PCDHGA9: variants seen among roughly 807,000 people sequenced by gnomAD.
The protein encoded by PCDHGA9 is protocadherin gamma-A9.
PCDHGA9 carries 37 observed loss-of-function variants against 62.5 expected under a neutral mutation model. The ratio of observed to expected loss-of-function variants is 0.59; its 90% CI spans 0.46 to 0.78. The LOEUF (loss-of-function observed/expected upper bound fraction) is 0.78, where lower values mean the gene tolerates loss of function less well. PCDHGA9 is among the 30% of genes least tolerant of loss of function. PCDHGA9 has a pLI of 0.00. For synonymous variants in PCDHGA9, 459 were observed against 484.6 expected (o/e 0.95, Z 0.69); for missense variants, 1,138 against 1,166.2 (o/e 0.98, Z 0.35).
chr5:141,438,625 TATATATATATACACAC>T (rs1232816129), intron 1 of PCDHGA9, among the ~76,000 whole-genome samples: 1,472 of 46,190 alleles, frequency 0.032, 16 homozygotes, highest in African/African-American at 0.13. Context: ...TATATATATA[TATATATATATACACAC>T]ACACACACAC....
Position 141,431,674 on chromosome 5 carries a change from G to T in PCDHGA9, c.2424+26298G>T. 6.2e-7 allele frequency: 1 copy of T among 1,614,234 alleles called. No homozygotes were observed. ...ATTCAGGGACAATATCAACAATAGG[G>T]GAGTTGGACCACGAGGAGTCAGGAT... is the stretch of plus-strand genomic sequence containing the variant. On this transcript the variant is annotated intron_variant, in intron 1 of 3. Transcript: ENST00000573521. This position sits in a 1 kb window ranked among gnomAD's most constrained non-coding sequence, Gnocchi z 4.8.
intron 1 of PCDHGA9, among the ~76,000 whole-genome samples, chr5:141,457,190 G>A (rs2098913282): frequency 6.6e-6 from 1 of 152,200 alleles, no homozygotes; most frequent in African/African-American, 2.4e-5. Context: ...GTAGAGTGAG[G>A]AAAGCAGTTC....
intron 1 of PCDHGA9, chr5:141,433,063 G>T (rs1411651811): frequency 3.1e-6 from 5 of 1,614,176 alleles, no homozygotes; most frequent in Non-Finnish European, 4.2e-6. Flanking sequence ...AGAGTCACCT[G>T]ATCTTCCCCC....
rs191354649 is a variant in PCDHGA9 at position 141,510,446 on chromosome 5, C to T, written c.2573-501C>T. 8.9e-4 allele frequency among the ~76,000 whole-genome samples: 135 copies of T among 152,154 alleles called. 1 individual carries two copies. Among genetic ancestry groups the T allele is most frequent in the Non-Finnish European group, 1.7e-3 (114 of 68,010 alleles). On this transcript the variant is annotated intron_variant, in intron 3 of 3. Coordinates refer to ENST00000573521, the MANE Select transcript of PCDHGA9 (RefSeq NM_018921.3). ...TTTCATGGCTGCTGCCCTCCAGGAG[C>T]CCATGGTCTAGTGTGGGAGTCAGAG...
chr5:141,421,265 T>G (rs2154549151), intron 1 of PCDHGA9: 1 of 1,596,914 alleles, frequency 6.3e-7, no homozygotes, highest in Non-Finnish European at 8.5e-7. Flanking sequence ...CGCAGTCGGC[T>G]GCTGCTGCTG....
intron 1 of PCDHGA9, among the ~76,000 whole-genome samples, chr5:141,449,061 A>G (rs1280366583): frequency 1.3e-5 from 2 of 152,190 alleles, no homozygotes; most frequent in Non-Finnish European, 2.9e-5. Context: ...AATGAGCGCT[A>G]TTGAATAGCC....
chr5:141,410,024 G>T (rs771946302), intron 1 of PCDHGA9: 4 of 1,613,164 alleles, frequency 2.5e-6, no homozygotes, highest in Non-Finnish European at 3.4e-6. Flanking sequence ...GTCCTACCAC[G>T]TGCTGCAGGC....
chr5:141,430,613 A>T, intron 1 of PCDHGA9: 1 of 679,628 alleles, frequency 1.5e-6, no homozygotes, highest in Admixed American at 3.0e-5. Context: ...CACAAAGCAG[A>T]TAGCTAGGAA....
At chr5:141,414,435 C>G (rs891322256) in intron 1 of PCDHGA9, 2 of 1,613,678 alleles carry the variant, frequency 1.2e-6, no homozygotes, top group African/African-American at 1.3e-5. Context: ...AACAGGTATC[C>G]TCTTACAATA....
intron 1 of PCDHGA9, chr5:141,410,406 C>A (rs1361000460): frequency 6.2e-7 from 1 of 1,614,050 alleles, no homozygotes; most frequent in Non-Finnish European, 8.5e-7. Flanking sequence ...TGTGTCAAGT[C>A]TGGACCTGTA....
At chr5:141,452,854 A>G (rs137963870) in intron 1 of PCDHGA9, among the ~76,000 whole-genome samples, 109 of 152,264 alleles carry the variant, frequency 7.2e-4, no homozygotes, top group African/African-American at 2.5e-3. Flanking sequence ...CTCTGGGGAG[A>G]TGATTTTCTA....
At chr5:141,497,595 A>C (rs973413640) in intron 2 of PCDHGA9, among the ~76,000 whole-genome samples, 1 of 147,414 alleles carries the variant, frequency 6.8e-6, no homozygotes, top group East Asian at 2.0e-4. Context: ...GCTGGAGTGC[A>C]GTGGTGCGAT....
intron 1 of PCDHGA9, among the ~76,000 whole-genome samples, chr5:141,420,737 A>G (rs1156969170): frequency 1.3e-5 from 2 of 152,244 alleles, no homozygotes; most frequent in Non-Finnish European, 2.9e-5. Flanking sequence ...GTTAAAATCA[A>G]TTGGAACCAA....
intron 1 of PCDHGA9, chr5:141,418,282 A>G (rs1209026046): frequency 6.2e-7 from 1 of 1,614,030 alleles, no homozygotes; most frequent in Admixed American, 1.7e-5. Flanking sequence ...TAAACTTAGA[A>G]ATCAGTGAAT....
chr5:141,465,627 A>C lies in PCDHGA9; in HGVS notation c.2425-29180A>C, dbSNP rs370355596. 1.1e-4 allele frequency among the ~76,000 whole-genome samples: 17 copies of C among 152,326 alleles called. 1 individual carries two copies. The South Asian group carries it at 3.3e-3, about 30-fold the overall frequency. On this transcript the variant is annotated intron_variant, in intron 1 of 3. Coordinates refer to ENST00000573521, the MANE Select transcript of PCDHGA9 (RefSeq NM_018921.3). ...TCTTTGGCCCTCCAGGAAGTCAACCAGCAAAATGCTTTGAACATCCCAAAA... is the reference window on the plus strand; with the variant it reads ...TCTTTGGCCCTCCAGGAAGTCAACCCGCAAAATGCTTTGAACATCCCAAAA...
intron 1 of PCDHGA9, 158 bp downstream of exon 1, chr5:141,405,534 C>T: frequency 3.1e-6 from 2 of 648,486 alleles, no homozygotes; most frequent in Non-Finnish European, 5.3e-6. Flanking sequence ...ATTCTCCTGC[C>T]TCAGCCTCCC....
chr5:141,510,251 C>G (rs569804850), intron 3 of PCDHGA9, among the ~76,000 whole-genome samples: 1 of 144,724 alleles, frequency 6.9e-6, no homozygotes, highest in African/African-American at 2.6e-5. Flanking sequence ...CCAGGCTGGG[C>G]GACAGAGCAG....
chr5:141,489,563 T>C lies in PCDHGA9; in HGVS notation c.2425-5244T>C, dbSNP rs2099689031. ...ACCAGCTGCCTGCTGCCAGTGCAGG[T>C]GGTGACTGAACACCCCCTGGAGCTA... On this transcript the variant is annotated intron_variant, in intron 1 of 3. Coordinates refer to ENST00000573521, the MANE Select transcript of PCDHGA9 (RefSeq NM_018921.3). The surrounding 1 kb of genome is among the most constrained non-coding windows in gnomAD (Gnocchi z 4.5). 13 of 1,614,006 alleles carry C rather than the reference T, an allele frequency of 8.1e-6. No homozygotes were observed. The highest frequency in any genetic ancestry group is 1.1e-5 in the Non-Finnish European group (13 of 1,179,976).
In PCDHGA9 at chr5:141,489,077, C is replaced by CCCCCCACCGGG; in HGVS notation, c.2425-5730_2425-5729insCCCCCACCGGG. ...AGCTCCCCTCCCCCCTGCCCACCCCCGCCACTCGGTGACTAAGAACTGCTG... is the reference window on the plus strand; with the variant it reads ...AGCTCCCCTCCCCCCTGCCCACCCCCCCCCCACCGGGGCCACTCGGTGACTAAGAACTGCTG... On this transcript the variant is annotated intron_variant, in intron 1 of 3. Transcript: ENST00000573521. The surrounding 1 kb of genome is among the most constrained non-coding windows in gnomAD (Gnocchi z 4.5). 6.1e-6 allele frequency: 2 copies of CCCCCCACCGGG among 325,756 alleles called. No individual in the cohort carries two copies. Among genetic ancestry groups the CCCCCCACCGGG allele is most frequent in the Non-Finnish European group, 5.5e-6 (1 of 181,460 alleles). The allele number at this position is 325,756 out of a possible 1,614,324, so 20.2% of individuals were successfully genotyped here.
Sources: gnomAD v4.1 joint callset for allele counts (sites outside exome capture counted in the v4.1 genomes callset) on GRCh38, gnomAD v4.1.1 for gene constraint, Gnocchi (gnomAD v3.1) non-coding constraint, MANE v1.5 for transcripts, NCBI Gene and HGNC (gene_info 2026-07-23, HGNC 2026-07-21) for gene names.